STON2: variants seen among roughly 807,000 people sequenced by gnomAD.
STON2 encodes stonin-2.
In STON2, 29 loss-of-function variants were observed where a neutral mutation model predicts 65.7. That is an observed-to-expected ratio of 0.44 (90% CI 0.33 to 0.60). The LOEUF is 0.60. STON2 is among the 20% of genes least tolerant of loss of function. STON2 has a pLI of 0.03. For missense variants in STON2, 1,054 were observed against 1,118.1 expected, an observed-to-expected ratio of 0.94 and a Z score of 0.82; for synonymous variants, 404 against 414.2, an observed-to-expected ratio of 0.98 and a Z score of 0.30.
intron 7 of STON2, 49 bp downstream of exon 7, chr14:81,270,621 G>T: frequency 6.2e-7 from 1 of 1,614,104 alleles, no homozygotes; most frequent in Non-Finnish European, 8.5e-7. Context: ...AGGGTAGTGG[G>T]GTGAACAAAT....
chr14:81,311,091 G>A (rs1357256655), intron 5 of STON2, among the ~76,000 whole-genome samples: 1 of 152,154 alleles, frequency 6.6e-6, no homozygotes, highest in African/African-American at 2.4e-5. Context: ...GAGAAGACGG[G>A]AAAGTAAGCC....
intron 5 of STON2, among the ~76,000 whole-genome samples, chr14:81,312,767 G>C (rs975629873): frequency 6.6e-6 from 1 of 152,226 alleles, no homozygotes; most frequent in African/African-American, 2.4e-5. Flanking sequence ...TGGTTTGCAG[G>C]AACCTGCCAA....
chr14:81,288,861 C>T (rs895676423), intron 5 of STON2, among the ~76,000 whole-genome samples: 1 of 151,930 alleles, frequency 6.6e-6, no homozygotes, highest in African/African-American at 2.4e-5. Context: ...TAGCACACTT[C>T]TTATACCCAT....
In STON2 at chr14:81,262,133, A is replaced by G; in HGVS notation, c.*6281T>C. On this transcript the variant is annotated 3_prime_UTR_variant, in exon 8 of 8. Transcript: ENST00000614646. Reference sequence around the variant, plus strand: ...TGGAAAGGACTTGAAGAAACAATTAATCCAACTTCCTCACTTTTTTGTCTC... The same window carrying G: ...TGGAAAGGACTTGAAGAAACAATTAGTCCAACTTCCTCACTTTTTTGTCTC... 1 of 985,294 alleles carries G rather than the reference A, an allele frequency of 1.0e-6. No individual in the cohort carries two copies. Among genetic ancestry groups the G allele is most frequent in the Non-Finnish European group, 1.2e-6 (1 of 829,810 alleles). 61.0% of individuals were successfully genotyped at this position (985,294 alleles called of 1,614,324 possible).
At chr14:81,375,642 T>C (rs1355410441) in intron 3 of STON2, among the ~76,000 whole-genome samples, 1 of 151,718 alleles carries the variant, frequency 6.6e-6, no homozygotes, top group Non-Finnish European at 1.5e-5. Context: ...CAAGCAAAAA[T>C]ATCAGCAAGC....
At chr14:81,297,273 GAGGTA>G (rs1478448432) in intron 5 of STON2, among the ~76,000 whole-genome samples, 1 of 152,198 alleles carries the variant, frequency 6.6e-6, no homozygotes, top group Non-Finnish European at 1.5e-5. Context: ...ACATCTGTAT[GAGGTA>G]AGTCTCCATT....
chr14:81,338,975 A>C (rs186529957), intron 4 of STON2, among the ~76,000 whole-genome samples: 1 of 152,196 alleles, frequency 6.6e-6, no homozygotes. Flanking sequence ...CCATAAACCA[A>C]GACCCAAAGG....
At chr14:81,345,458 T>C (rs1177763894) in intron 4 of STON2, among the ~76,000 whole-genome samples, 1 of 152,160 alleles carries the variant, frequency 6.6e-6, no homozygotes, top group Non-Finnish European at 1.5e-5. Context: ...TACTGACACC[T>C]TGGTCTTGGA....
At chr14:81,430,643 A>G (rs765302096) in intron 1 of STON2, among the ~76,000 whole-genome samples, 14 of 152,220 alleles carry the variant, frequency 9.2e-5, no homozygotes, top group Non-Finnish European at 1.5e-4. Context: ...AATTTTGGTC[A>G]ACTGTTTCTA....
chr14:81,395,865 C>T (rs1275611491), intron 3 of STON2, 29 bp downstream of exon 3: 1 of 1,611,406 alleles, frequency 6.2e-7, no homozygotes, highest in East Asian at 2.2e-5. Flanking sequence ...TGACCACAAA[C>T]CCAAGCCGGG....
Position 81,276,965 on chromosome 14 carries a change from G to C in STON2, c.2517C>G (p.Ala839=), listed in dbSNP as rs766132885. 2 of 1,614,058 alleles carry C rather than the reference G, an allele frequency of 1.2e-6. No homozygotes were observed. The highest frequency in any genetic ancestry group is 1.7e-6 in the Non-Finnish European group (2 of 1,180,040). The change falls in exon 6 of 8, where the codon GCC becomes GCG. Residue 839 remains alanine (A), a synonymous_variant. Coordinates refer to ENST00000614646, the MANE Select transcript of STON2 (RefSeq NM_001394390.1). ...TGGAGTTGAAGGCATGCTCGTACTT[G>C]GCAGTTCCCAGAGTTACTCTCATGA... ...EPVMRVTLGT[A]KYEHAFNSIV... is the part of the protein sequence containing the mutation.
At chr14:81,419,467 G>C (rs1901597987) in intron 2 of STON2, among the ~76,000 whole-genome samples, 1 of 152,102 alleles carries the variant, frequency 6.6e-6, no homozygotes, top group African/African-American at 2.4e-5. Context: ...GGAAATTATG[G>C]AACAGATGGT....
intron 3 of STON2, among the ~76,000 whole-genome samples, chr14:81,387,845 C>T (rs1018089221): frequency 2.0e-5 from 3 of 148,682 alleles, no homozygotes; most frequent in African/African-American, 7.4e-5. Flanking sequence ...GAGCTGAGAT[C>T]ACACCACTGC....
intron 3 of STON2, among the ~76,000 whole-genome samples, chr14:81,387,051 T>C (rs1015171519): frequency 6.6e-6 from 1 of 152,184 alleles, no homozygotes; most frequent in Admixed American, 6.5e-5. Context: ...AGGAACACTA[T>C]TGGCTAAAGG....
intron 5 of STON2, among the ~76,000 whole-genome samples, chr14:81,288,572 T>C (rs1233253000): frequency 6.6e-6 from 1 of 152,150 alleles, no homozygotes; most frequent in Non-Finnish European, 1.5e-5. Flanking sequence ...CATACACGTG[T>C]TCTGTTGTTG....
chr14:81,409,021 G>T (rs1259256376), intron 2 of STON2, among the ~76,000 whole-genome samples: 4 of 152,088 alleles, frequency 2.6e-5, no homozygotes, highest in African/African-American at 9.7e-5. Flanking sequence ...GTGACAGTAG[G>T]GAGTTGATGT....
chr14:81,358,489 T>G (rs541829296), intron 4 of STON2, among the ~76,000 whole-genome samples: 3 of 151,888 alleles, frequency 2.0e-5, no homozygotes, highest in Non-Finnish European at 2.9e-5. Flanking sequence ...GGAAGGAAAA[T>G]GTATCTACAA....
intron 2 of STON2, among the ~76,000 whole-genome samples, chr14:81,407,051 A>G (rs1377491115): frequency 2.6e-5 from 4 of 152,214 alleles, no homozygotes; most frequent in Non-Finnish European, 4.4e-5. Context: ...TTCCCTGGAA[A>G]AGAGCCAAGG....
intron 5 of STON2, among the ~76,000 whole-genome samples, chr14:81,292,126 C>A (rs1184737793): frequency 2.0e-5 from 3 of 152,204 alleles, no homozygotes; most frequent in Non-Finnish European, 4.4e-5. Context: ...TGGACTTCAG[C>A]TAAATGTCGA....
Sources: allele counts gnomAD v4.1 joint callset (sites outside exome capture counted in the v4.1 genomes callset), GRCh38; gene constraint gnomAD v4.1.1; transcripts MANE v1.5; gene names NCBI Gene and HGNC (gene_info 2026-07-23, HGNC 2026-07-21).